The following COG4 variants were observed in gnomAD, a reference collection of about 807,000 sequenced individuals.
COG4 encodes the protein component of oligomeric golgi complex 4.
COG4 carries 65 observed loss-of-function variants against 95.1 expected under a neutral mutation model. That is an observed-to-expected ratio of 0.68 (90% CI 0.56 to 0.84). COG4 has a LOEUF of 0.84. Among genes scored for constraint, COG4 ranks in the 40% least tolerant of loss-of-function variants. The pLI is 0.00. For synonymous variants in COG4, 421 were observed against 374.8 expected (o/e 1.12, Z -1.42); for missense variants, 1,045 against 989.1 (o/e 1.06, Z -0.76).
At position 70,483,866 on chromosome 16, in the gene COG4, C is replaced by T. The variant is rs746367043; in HGVS notation, c.1814G>A (p.Arg605Gln). ...CCTGGGGCTTACCTGCAAGAGGTCT[C>T]GGAATTTGTTGGACACGGCGGCCAA... ...SDLAAVSNKF[R>Q]DLLQEGLTEL... Residue 605 changes from arginine (R) to glutamine (Q), a missense_variant, in exon 14 of 19, where the codon CGA becomes CAA. By Grantham distance (43) the Arg-to-Gln change is conservative (BLOSUM62 1). Coordinates refer to ENST00000323786, the MANE Select transcript of COG4 (RefSeq NM_015386.3). 11 of 1,613,228 alleles carry T rather than the reference C, an allele frequency of 6.8e-6. No homozygotes were observed. Among genetic ancestry groups the T allele is most frequent in the African/African-American group, 1.3e-5 (1 of 75,048 alleles).
intron 5 of COG4, 147 bp from the exon 6 acceptor site, chr16:70,510,168 TC>T (rs1464112039): frequency 1.4e-6 from 1 of 703,366 alleles, no homozygotes; most frequent in African/African-American, 1.8e-5. Context: ...CAGAGGAAAC[TC>T]CCTTGAGGGA....
At chr16:70,498,224 A>AT (rs1450326874) in intron 9 of COG4, among the ~76,000 whole-genome samples, 169 bp from the exon 10 acceptor site, 2 of 152,216 alleles carry the variant, frequency 1.3e-5, no homozygotes, top group Non-Finnish European at 2.9e-5. Flanking sequence ...TTAAAAAAGT[A>AT]TATCATAAAT....
At chr16:70,491,717 G>A (rs7199859) in intron 12 of COG4, among the ~76,000 whole-genome samples, 59,996 of 149,608 alleles carry the variant, frequency 0.4, 12,436 homozygotes, top group South Asian at 0.66. Context: ...CCAGCTACTC[G>A]GGAGGCTGAG....
At position 70,490,146 on chromosome 16, in the gene COG4, C is replaced by T. The variant is rs538924968; in HGVS notation, c.1710+184G>A. On this transcript the variant is annotated intron_variant, in intron 13 of 18. Transcript: ENST00000323786. Reference sequence around the variant, plus strand: ...AAGATCTAATTTGAATTCTGATCTTCCAACTCCTGAGCTTTTCTCCCTGGT... The same window carrying T: ...AAGATCTAATTTGAATTCTGATCTTTCAACTCCTGAGCTTTTCTCCCTGGT... Among the ~76,000 whole-genome samples the T allele has an allele frequency of 2.0e-5, 3 of 152,248 alleles. No homozygotes were observed. The South Asian group carries it at 6.2e-4, about 32-fold the overall frequency.
Position 70,483,857 on chromosome 16 carries a change from A to AT in COG4, c.1822_1823insA (p.Leu608TyrfsTer38), listed in dbSNP as rs766777733. On this transcript the variant is annotated frameshift_variant, in exon 14 of 19. Coordinates refer to ENST00000323786, the MANE Select transcript of COG4 (RefSeq NM_015386.3). LOFTEE classifies it high-confidence loss of function. ...GCAGTTGAACCTGGGGCTTACCTGCAAGAGGTCTCGGAATTTGTTGGACAC... is the reference window on the plus strand; with the variant it reads ...GCAGTTGAACCTGGGGCTTACCTGCATAGAGGTCTCGGAATTTGTTGGACAC... 8.1e-6 allele frequency: 13 copies of AT among 1,612,138 alleles called. No homozygotes were observed. Among genetic ancestry groups the AT allele is most frequent in the African/African-American group, 1.3e-5 (1 of 74,916 alleles).
chr16:70,482,678 C>T, intron 15 of COG4, 51 bp downstream of exon 15: 1 of 1,458,436 alleles, frequency 6.9e-7, no homozygotes, highest in African/African-American at 1.4e-5. Context: ...CTAGCTGGGG[C>T]TAGGGATGAG....
At chr16:70,513,246 A>G (rs942481843) in intron 4 of COG4, among the ~76,000 whole-genome samples, 1 of 152,258 alleles carries the variant, frequency 6.6e-6, no homozygotes. Context: ...AGTGAATAAC[A>G]TTAAACAAGT....
chr16:70,508,556 C>T (rs1332813182), intron 7 of COG4, 92 bp from the exon 8 acceptor site: 5 of 1,114,430 alleles, frequency 4.5e-6, no homozygotes, highest in African/African-American at 1.5e-5. Context: ...CATACAAGAA[C>T]ATTTAGATTT....
Position 70,482,313 on chromosome 16 carries a change from C to A in COG4, c.1921-138G>T. ...CCTTCTGACTCATCTAGTTTAAAACCAGCTCAGACACCCAGGCTGGCAGAA... is the reference window on the plus strand; with the variant it reads ...CCTTCTGACTCATCTAGTTTAAAACAAGCTCAGACACCCAGGCTGGCAGAA... On this transcript the variant is annotated intron_variant, in intron 15 of 18. Transcript: ENST00000323786. 15 of 719,800 alleles carry A rather than the reference C, an allele frequency of 2.1e-5. No individual in the cohort carries two copies. The South Asian group carries it at 2.2e-4, about 11-fold the overall frequency. 44.6% of individuals were successfully genotyped at this position (719,800 alleles called of 1,614,324 possible).
chr16:70,510,101 TC>T, intron 5 of COG4, 80 bp from the exon 6 acceptor site: 1 of 1,167,692 alleles, frequency 8.6e-7, no homozygotes, highest in Non-Finnish European at 1.3e-6. Context: ...CCAAAAATCC[TC>T]CCATTGACTT....
At chr16:70,489,531 A>T (rs2151744380) in intron 13 of COG4, among the ~76,000 whole-genome samples, 1 of 119,558 alleles carries the variant, frequency 8.4e-6, no homozygotes. Flanking sequence ...TCCTGATTTA[A>T]AAAAAAAAAA....
chr16:70,490,669 GTCT>G (rs961588143), intron 12 of COG4, among the ~76,000 whole-genome samples: 1 of 152,018 alleles, frequency 6.6e-6, no homozygotes, highest in African/African-American at 2.4e-5. Flanking sequence ...CAGGTTTCAG[GTCT>G]TCTTTTTTTG....
Position 70,509,227 on chromosome 16 carries a change from T to C in COG4, c.1002+4A>G, listed in dbSNP as rs1243872338. 1.9e-6 allele frequency: 3 copies of C among 1,614,082 alleles called. No individual in the cohort carries two copies. In the Admixed American group the frequency reaches 5.0e-5, roughly 27 times the overall value. ...AAACCCTACCTGTAGCTTCCCCTGC[T>C]CACCTGCTGGTGGTAGTCCCTTTGC... On this transcript the variant is annotated splice_donor_region_variant and intron_variant, in intron 7 of 18. Transcript: ENST00000323786.
chr16:70,514,631 C>T, intron 3 of COG4, 122 bp from the exon 4 acceptor site: 4 of 772,410 alleles, frequency 5.2e-6, no homozygotes, highest in Non-Finnish European at 9.0e-6. Context: ...CTCACAAACA[C>T]CACCACTACT....
intron 4 of COG4, among the ~76,000 whole-genome samples, chr16:70,513,090 A>G (rs17573579): frequency 0.044 from 6,751 of 152,334 alleles, 233 homozygotes; most frequent in Non-Finnish European, 0.066. Context: ...ATACCTGCAC[A>G]GGAGAACAAA....
chr16:70,493,521 A>G (rs1160231127), intron 12 of COG4, among the ~76,000 whole-genome samples: 2 of 152,300 alleles, frequency 1.3e-5, no homozygotes, highest in Admixed American at 6.5e-5. Flanking sequence ...TTCTCAATAA[A>G]TATTTGTGCA....
intron 18 of COG4, 107 bp from the exon 19 acceptor site, chr16:70,481,251 C>T: frequency 1.9e-6 from 3 of 1,607,622 alleles, no homozygotes; most frequent in Non-Finnish European, 1.7e-6. Flanking sequence ...GGGAAGGTGT[C>T]CTATAGAGCT....
Position 70,481,783 on chromosome 16 carries a change from A to G in COG4, c.2087T>C (p.Leu696Pro), listed in dbSNP as rs1307248941. 7 of 1,613,872 alleles carry G rather than the reference A, an allele frequency of 4.3e-6. No individual in the cohort carries two copies. The highest frequency in any genetic ancestry group is 1.7e-5 in the Admixed American group (1 of 59,998). Residue 696 changes from leucine (L) to proline (P), a missense_variant, in exon 17 of 19, where the codon CTG becomes CCG. Coordinates refer to ENST00000323786, the MANE Select transcript of COG4 (RefSeq NM_015386.3). ...CCTTACCCGGTTAAAGGTGGATTTC[A>G]GCACCACTTTCTCCAACTCGACGGC... The part of the protein sequence containing the change: ...LVAVELEKVV[L>P]KSTFNRLGGL...
intron 12 of COG4, among the ~76,000 whole-genome samples, chr16:70,491,693 G>T (rs1203772378): frequency 6.6e-6 from 1 of 150,500 alleles, no homozygotes; most frequent in Non-Finnish European, 1.5e-5. Flanking sequence ...GCGTGGTGGC[G>T]GGTGCCTGTA....
Sources: allele counts gnomAD v4.1 joint callset (sites outside exome capture counted in the v4.1 genomes callset), GRCh38; gene constraint gnomAD v4.1.1; transcripts MANE v1.5; gene names NCBI Gene and HGNC (gene_info 2026-07-23, HGNC 2026-07-21).